Variants in CLSTN2 observed in about 807,000 individuals in gnomAD.
CLSTN2 encodes calsyntenin 2, also known as calsyntenin-2.
In CLSTN2, 48 loss-of-function variants were observed where a neutral mutation model predicts 101.2. The observed-to-expected ratio is 0.47, with a 90% CI of 0.38 to 0.60. The LOEUF is 0.60. CLSTN2 is among the 20% of genes least tolerant of loss of function. CLSTN2 has a pLI of 0.00. For missense variants in CLSTN2, 1,160 were observed against 1,238.2 expected, an observed-to-expected ratio of 0.94 and a Z score of 0.95; for synonymous variants, 481 against 463.6, an observed-to-expected ratio of 1.04 and a Z score of -0.48.
chr3:140,517,970 G>A (rs1020877391), intron 8 of CLSTN2, among the ~76,000 whole-genome samples: 9 of 152,114 alleles, frequency 5.9e-5, no homozygotes, highest in Admixed American at 2.0e-4. Context: ...GTGTCTGAGC[G>A]CAGACTCTCC....
intron 2 of CLSTN2, among the ~76,000 whole-genome samples, chr3:140,229,718 A>T (rs554265752): frequency 6.6e-6 from 1 of 152,066 alleles, no homozygotes; most frequent in South Asian, 2.1e-4. Flanking sequence ...CACCTTCTCC[A>T]CACATTCCTC....
intron 2 of CLSTN2, among the ~76,000 whole-genome samples, chr3:140,285,930 G>A (rs2086891746): frequency 6.6e-6 from 1 of 152,150 alleles, no homozygotes; most frequent in Non-Finnish European, 1.5e-5. Context: ...CCAATACCAT[G>A]ACCTGGGGCT....
intron 1 of CLSTN2, among the ~76,000 whole-genome samples, chr3:140,117,021 C>A (rs2009255011): frequency 6.6e-6 from 1 of 152,178 alleles, no homozygotes; most frequent in African/African-American, 2.4e-5. Flanking sequence ...TTCCCCTGCT[C>A]TGCTGTTCCG....
chr3:139,996,484 G>T (rs1007528878), intron 1 of CLSTN2, among the ~76,000 whole-genome samples: 1 of 151,674 alleles, frequency 6.6e-6, no homozygotes, highest in Non-Finnish European at 1.5e-5. Context: ...CTGCCTCCCG[G>T]GTTCATGCCA....
intron 1 of CLSTN2, among the ~76,000 whole-genome samples, chr3:140,022,525 T>C (rs1379569436): frequency 6.6e-6 from 1 of 152,164 alleles, no homozygotes; most frequent in African/African-American, 2.4e-5. Context: ...GCTGTGAGGC[T>C]GAACCAGGCC....
chr3:140,426,219 A>G (rs554463158), intron 5 of CLSTN2, among the ~76,000 whole-genome samples: 1 of 152,230 alleles, frequency 6.6e-6, no homozygotes, highest in East Asian at 1.9e-4. Context: ...GTCCCTATCA[A>G]CCCATCACCT....
intron 1 of CLSTN2, among the ~76,000 whole-genome samples, chr3:140,084,900 G>T (rs972577967): frequency 6.6e-6 from 1 of 152,220 alleles, no homozygotes; most frequent in Non-Finnish European, 1.5e-5. Context: ...ACCTGTGTAT[G>T]AGTTTGTGTG....
chr3:139,955,362 C>T (rs1935374525), intron 1 of CLSTN2, among the ~76,000 whole-genome samples: 1 of 151,812 alleles, frequency 6.6e-6, no homozygotes, highest in African/African-American at 2.4e-5. Context: ...TGTAAAGATG[C>T]AGTAAGCCTG....
At chr3:140,305,853 A>T (rs1444596777) in intron 2 of CLSTN2, among the ~76,000 whole-genome samples, 1 of 152,174 alleles carries the variant, frequency 6.6e-6, no homozygotes, top group Non-Finnish European at 1.5e-5. Flanking sequence ...GAAGCCTGGC[A>T]GGACTGACAC....
chr3:139,959,256 C>T lies in CLSTN2; in HGVS notation c.109+23773C>T, dbSNP rs564005320. ...ACCGTGTCTCCTTCTTTTATCCCTC[C>T]AGCTGTGGGGTGGTAGTGGCCTCCT... is the stretch of plus-strand genomic sequence containing the variant. On this transcript the variant is annotated intron_variant, in intron 1 of 16. Coordinates refer to ENST00000458420, the MANE Select transcript of CLSTN2 (RefSeq NM_022131.3). 1.1e-4 allele frequency among the ~76,000 whole-genome samples: 16 copies of T among 152,260 alleles called. No individual in the cohort carries two copies. The South Asian group carries it at 3.1e-3, about 30-fold the overall frequency.
chr3:140,295,800 C>G (rs1264343927), intron 2 of CLSTN2, among the ~76,000 whole-genome samples: 1 of 152,128 alleles, frequency 6.6e-6, no homozygotes, highest in African/African-American at 2.4e-5. Flanking sequence ...ACAAAGGAAT[C>G]TTCAAATGTA....
At chr3:140,562,112 C>A in intron 12 of CLSTN2, 26 bp from the exon 13 acceptor site, 1 of 1,608,770 alleles carries the variant, frequency 6.2e-7, no homozygotes, top group Non-Finnish European at 8.5e-7. Flanking sequence ...TTCATGCCTG[C>A]ATTTCCCATG....
rs941937277 is a variant in CLSTN2, at chr3:140,089,637, G to T, written c.110-86314G>T. On this transcript the variant is annotated intron_variant, in intron 1 of 16. Coordinates refer to ENST00000458420, the MANE Select transcript of CLSTN2 (RefSeq NM_022131.3). ...ATTTATTTATTTATTTTTGAGACTG[G>T]GTCTTGCTCCCATTGTCCAGGCTAG... Among the ~76,000 whole-genome samples the T allele has an allele frequency of 3.3e-5, 5 of 149,542 alleles. No individual in the cohort carries two copies. In the East Asian group the frequency reaches 9.8e-4, roughly 29 times the overall value.
At position 140,117,014 on chromosome 3, in the gene CLSTN2, C is replaced by T. The variant is rs182553933; in HGVS notation, c.110-58937C>T. Among the ~76,000 whole-genome samples the T allele has an allele frequency of 2.6e-4, 39 of 152,264 alleles. 1 individual carries two copies. Among genetic ancestry groups the T allele is most frequent in the Non-Finnish European group, 4.1e-4 (28 of 68,014 alleles). On this transcript the variant is annotated intron_variant, in intron 1 of 16. Transcript: ENST00000458420. ...TCCCATATTCTGGAGCCCCCCTTTC[C>T]CCTGCTCTGCTGTTCCGGGCTGGGA...
intron 8 of CLSTN2, among the ~76,000 whole-genome samples, chr3:140,511,792 C>T (rs958106136): frequency 6.6e-6 from 1 of 151,232 alleles, no homozygotes; most frequent in East Asian, 1.9e-4. Flanking sequence ...CTCCTGACCT[C>T]GTGATCCGCC....
At chr3:140,476,264 C>G (rs2107749046) in intron 8 of CLSTN2, among the ~76,000 whole-genome samples, 1 of 152,346 alleles carries the variant, frequency 6.6e-6, no homozygotes, top group African/African-American at 2.4e-5. Context: ...TGCAAAGGCA[C>G]TGGCCACTGT....
At chr3:140,461,622 T>C (rs1933564952) in intron 7 of CLSTN2, among the ~76,000 whole-genome samples, 1 of 152,174 alleles carries the variant, frequency 6.6e-6, no homozygotes, top group African/African-American at 2.4e-5. Context: ...GCCCAAGCTA[T>C]TGCACCAGTG....
intron 1 of CLSTN2, among the ~76,000 whole-genome samples, chr3:139,955,459 T>G (rs544909731): frequency 6.6e-6 from 1 of 152,142 alleles, no homozygotes; most frequent in Non-Finnish European, 1.5e-5. Context: ...AGCGAAACAG[T>G]GACCATTTGA....
chr3:140,096,842 C>A (rs2008877054), intron 1 of CLSTN2, among the ~76,000 whole-genome samples: 1 of 152,134 alleles, frequency 6.6e-6, no homozygotes, highest in African/African-American at 2.4e-5. Context: ...GAGTTCATAT[C>A]CCCTTGGAAT....
Sources: allele counts gnomAD v4.1 joint callset (sites outside exome capture counted in the v4.1 genomes callset), GRCh38; gene constraint gnomAD v4.1.1; transcripts MANE v1.5; gene names NCBI Gene and HGNC (gene_info 2026-07-23, HGNC 2026-07-21).